Variants in NOBOX observed in about 807,000 individuals in gnomAD.
NOBOX encodes the protein NOBOX oogenesis homeobox.
A neutral mutation model predicts 60.2 loss-of-function variants in NOBOX; 46 were observed. The observed-to-expected ratio is 0.76, with a 90% CI of 0.60 to 0.98. The LOEUF is 0.98. Among genes scored for constraint, NOBOX ranks in the 50% least tolerant of loss-of-function variants. The pLI is 0.00. For synonymous variants in NOBOX, 360 were observed against 346.3 expected, an observed-to-expected ratio of 1.04 and a Z score of -0.44; for missense variants, 880 against 865.5, an observed-to-expected ratio of 1.02 and a Z score of -0.21.
In NOBOX at chr7:144,401,020, T is replaced by C. The variant is rs943996942; in HGVS notation, c.844+26A>G. On this transcript the variant is annotated intron_variant, in intron 4 of 9. Coordinates refer to ENST00000467773, the MANE Select transcript of NOBOX (RefSeq NM_001080413.3). The surrounding 1 kb of genome is among the most constrained non-coding windows in gnomAD (Gnocchi z 4.2). ...TTCCCCAGGATGACCCCAGATCTCT[T>C]CGGTTTCCTCTCTTTAGGGACTTAC... 3 of 1,485,114 alleles carry C rather than the reference T, an allele frequency of 2.0e-6. No individual in the cohort carries two copies. In the African/African-American group the frequency reaches 4.2e-5, roughly 21 times the overall value. 92.0% of individuals were successfully genotyped at this position (1,485,114 alleles called of 1,614,324 possible). A position where few individuals can be genotyped will look rare whatever the true frequency, so the allele number is the denominator to read the frequency against.
In NOBOX at chr7:144,397,395, G is replaced by T. The variant is rs1458557917; in HGVS notation, c.1921C>A (p.Pro641Thr). 2.0e-6 allele frequency: 3 copies of T among 1,537,276 alleles called. No individual in the cohort carries two copies. Among genetic ancestry groups the T allele is most frequent in the Non-Finnish European group, 2.6e-6 (3 of 1,146,912 alleles). ...GGCATCCATGAGAGAGCTGACGAAG[G>T]CTGCCTGCCCAGAGCCTGGGGGCAG... is the stretch of plus-strand genomic sequence containing the variant. The change falls in exon 10 of 10, where the codon CCT becomes ACT. Residue 641 changes from proline to threonine, a missense_variant. By Grantham distance (38) the Pro-to-Thr change is conservative. Coordinates refer to ENST00000467773, the MANE Select transcript of NOBOX (RefSeq NM_001080413.3).
chr7:144,402,807 A>T (rs2053952114), intron 2 of NOBOX, among the ~76,000 whole-genome samples: 1 of 128,742 alleles, frequency 7.8e-6, no homozygotes, highest in African/African-American at 3.0e-5. Context: ...CCCAGGCTGC[A>T]GTGACATGGT....
chr7:144,401,274 G>C lies in NOBOX; in HGVS notation c.616C>G (p.Gln206Glu), dbSNP rs1478847659. The change falls in exon 4 of 10, where the codon CAG (glutamine) becomes GAG (glutamate). Residue 206 changes from glutamine to glutamate, a missense_variant. Transcript: ENST00000467773. This position sits in a 1 kb window ranked among gnomAD's most constrained non-coding sequence, Gnocchi z 4.2. ...AGACCCATGGCATTAGGCTTTTTCT[G>C]CTTCCCGGGGGCTGGAGAATAGGAC... The C allele has an allele frequency of 6.2e-6, 10 of 1,613,472 alleles. No individual in the cohort carries two copies. The highest frequency in any genetic ancestry group is 3.3e-5 in the Admixed American group (2 of 59,928).
rs1394449048 is a variant in NOBOX, at chr7:144,398,475, A to G, written c.1581T>C (p.Leu527=). ...GCAACTTGGGCTGAGGGGACTGGAAAAGCGGGGGCTGTGGAGCCTGGGAGA... is the reference window on the plus strand; with the variant it reads ...GCAACTTGGGCTGAGGGGACTGGAAGAGCGGGGGCTGTGGAGCCTGGGAGA... The change falls in exon 9 of 10, where the codon CTT becomes CTC. Residue 527 remains leucine (L), a synonymous_variant. Transcript: ENST00000467773. 12 of 1,536,994 alleles carry G rather than the reference A, an allele frequency of 7.8e-6. No individual in the cohort carries two copies. Among genetic ancestry groups the G allele is most frequent in the Non-Finnish European group, 7.8e-6 (9 of 1,146,900 alleles).
At position 144,398,524 on chromosome 7, in the gene NOBOX, C is replaced by T. The variant is rs2053910534; in HGVS notation, c.1532G>A (p.Ser511Asn). The T allele has an allele frequency of 8.5e-6, 13 of 1,536,536 alleles. No homozygotes were observed. Among genetic ancestry groups the T allele is most frequent in the Admixed American group, 2.0e-5 (1 of 50,964 alleles). The change falls in exon 9 of 10, where the codon AGC becomes AAC. Residue 511 changes from serine to asparagine, a missense_variant. Coordinates refer to ENST00000467773, the MANE Select transcript of NOBOX (RefSeq NM_001080413.3). Reference sequence around the variant, plus strand: ...GAACTGGAAGGGTCCTGGCTGGTTGCTCTGTTGGTAATCCTGGGGCTCCAG... The same window carrying T: ...GAACTGGAAGGGTCCTGGCTGGTTGTTCTGTTGGTAATCCTGGGGCTCCAG...
In NOBOX at chr7:144,397,492, A is replaced by G; in HGVS notation, c.1824T>C (p.Gly608=). The G allele has an allele frequency of 1.3e-6, 2 of 1,536,740 alleles. No individual in the cohort carries two copies. The highest frequency in any genetic ancestry group is 1.7e-6 in the Non-Finnish European group (2 of 1,146,542). ...GCCCCAGAGCTTGTGGGCAGAACGG[A>G]CCAGGGAAGGGCAGCTCTGGCAAAC... Residue 608 remains glycine (G), a synonymous_variant, in exon 10 of 10, where the codon GGT becomes GGC. Coordinates refer to ENST00000467773, the MANE Select transcript of NOBOX (RefSeq NM_001080413.3).
At chr7:144,398,167 A>G in intron 9 of NOBOX, 115 bp downstream of exon 7, 2 of 882,526 alleles carry the variant, frequency 2.3e-6, no homozygotes, top group Non-Finnish European at 3.6e-6. Context: ...GGCAAACAGA[A>G]GGATTCATTC....
chr7:144,401,158 C>T lies in NOBOX; in HGVS notation c.732G>A (p.Leu244=). Residue 244 remains leucine, a synonymous_variant, in exon 4 of 10, where the codon CTG becomes CTA. Transcript: ENST00000467773. The surrounding 1 kb of genome is among the most constrained non-coding windows in gnomAD (Gnocchi z 4.2). ...GCGCCAATGTACTGAGGAGATTGGC[C>T]AGGTGGCAGGGCCCCCGGCCTGACC... 1.2e-6 allele frequency: 2 copies of T among 1,611,444 alleles called. No homozygotes were observed. The highest frequency in any genetic ancestry group is 1.7e-6 in the Non-Finnish European group (2 of 1,178,342).
Position 144,404,554 on chromosome 7 carries a change from A to C in NOBOX, c.210+2T>G. The C allele has an allele frequency of 6.2e-7, 1 of 1,612,588 alleles. No homozygotes were observed. Among genetic ancestry groups the C allele is most frequent in the Non-Finnish European group, 8.5e-7 (1 of 1,179,514 alleles). Reference sequence around the variant, plus strand: ...GTGAGCCACAGCGCTCGCCCCCCGTACTGATTTGAGGGTCTCCAGAGCACA... The same window carrying C: ...GTGAGCCACAGCGCTCGCCCCCCGTCCTGATTTGAGGGTCTCCAGAGCACA... On this transcript the variant is annotated splice_donor_variant, in intron 2 of 9. Transcript: ENST00000467773. LOFTEE classifies it high-confidence loss of function.
intron 9 of NOBOX, 63 bp downstream of exon 7, chr7:144,398,219 G>A (rs996476055): frequency 4.8e-6 from 7 of 1,446,108 alleles, no homozygotes; most frequent in South Asian, 3.7e-5. Context: ...AGATAACTTG[G>A]CTCTTTGTCC....
intron 2 of NOBOX, 56 bp downstream of exon 1, chr7:144,403,601 C>G (rs1015154451): frequency 1.0e-4 from 71 of 680,326 alleles, no homozygotes; most frequent in Non-Finnish European, 1.7e-4. Flanking sequence ...AGGCCTCCCC[C>G]CCTCCCCGAA....
rs750240819 is a variant in NOBOX at position 144,404,597 on chromosome 7, TGAA to T, written c.166_168del (p.Phe56del). ...AGAGCACAAAGGCTGCACCGGATGA[TGAA>T]GAAGGAGCTGAAAGAGCCACAGACT... On this transcript the variant is annotated inframe_deletion, in exon 2 of 10. Transcript: ENST00000467773. 3.8e-5 allele frequency: 61 copies of T among 1,613,636 alleles called. No individual in the cohort carries two copies. The highest frequency in any genetic ancestry group is 2.5e-4 in the African/African-American group (19 of 74,882).
chr7:144,400,207 A>G lies in NOBOX; in HGVS notation c.950T>C (p.Met317Thr). The G allele has an allele frequency of 6.2e-7, 1 of 1,613,928 alleles. No individual in the cohort carries two copies. The highest frequency in any genetic ancestry group is 8.5e-7 in the Non-Finnish European group (1 of 1,179,854). ...CACCAGTGAGCCGGCCCCCTTTACC[A>G]TGATGCGCTGGGGGGTCACCCCCAC... Residue 317 changes from methionine to threonine, a missense_variant, in exon 5 of 10, where the codon ATG (methionine) becomes ACG (threonine). By Grantham distance (81) the Met-to-Thr change is moderately conservative. Coordinates refer to ENST00000467773, the MANE Select transcript of NOBOX (RefSeq NM_001080413.3).
Position 144,400,111 on chromosome 7 carries a change from C to T in NOBOX, c.1046G>A (p.Trp349Ter), listed in dbSNP as rs200530938. The change falls in exon 5 of 10, where the codon TGG (tryptophan) becomes TAG (stop). Residue 349 changes from tryptophan to a stop codon, truncating the protein, a stop_gained and splice_region_variant. Coordinates refer to ENST00000467773, the MANE Select transcript of NOBOX (RefSeq NM_001080413.3). LOFTEE classifies it high-confidence loss of function. ...CTGAGGCCTCAATTCAGCTCCTACC[C>T]AGGCTACCGCTGAGCGCTCACTCTG... 1 of 1,611,844 alleles carries T rather than the reference C, an allele frequency of 6.2e-7. No individual in the cohort carries two copies. The highest frequency in any genetic ancestry group is 8.5e-7 in the Non-Finnish European group (1 of 1,179,770).
intron 1 of NOBOX, among the ~76,000 whole-genome samples, chr7:144,407,331 A>G (rs2053992746): frequency 6.6e-6 from 1 of 152,234 alleles, no homozygotes; most frequent in African/African-American, 2.4e-5. Flanking sequence ...ACCCCAGTGT[A>G]GGCAGCATCA....
intron 5 of NOBOX, 35 bp from the exon 4 acceptor site, chr7:144,399,898 G>A (rs374013813): frequency 1.3e-6 from 2 of 1,541,240 alleles, no homozygotes; most frequent in Non-Finnish European, 1.8e-6. Context: ...AACTGGAGAA[G>A]AGGGGCAGAG....
chr7:144,404,005 G>C (rs1020013618), intron 2 of NOBOX, among the ~76,000 whole-genome samples: 1 of 152,018 alleles, frequency 6.6e-6, no homozygotes, highest in African/African-American at 2.4e-5. Flanking sequence ...TGGAGGGCGA[G>C]GCTGGGGTGG....
intron 4 of NOBOX, among the ~76,000 whole-genome samples, chr7:144,400,648 C>CT (rs2053931019): frequency 6.6e-6 from 1 of 152,224 alleles, no homozygotes; most frequent in South Asian, 2.1e-4. Context: ...AGCAATTCCC[C>CT]TGCTTCGACC....
In NOBOX at chr7:144,398,807, C is replaced by T. The variant is rs2053913920; in HGVS notation, c.1469+143G>A. 10 of 646,016 alleles carry T rather than the reference C, an allele frequency of 1.5e-5. No individual in the cohort carries two copies. The East Asian group carries it at 2.2e-4, about 14-fold the overall frequency. The allele number at this position is 646,016 out of a possible 1,614,324, so 40.0% of individuals were successfully genotyped here. A position where few individuals can be genotyped will look rare whatever the true frequency, so the allele number is the denominator to read the frequency against. ...TCCCCTAGGTCATTCCCCAGATCCC[C>T]TTATCCCTTTCATCCCCATCTCCTG... On this transcript the variant is annotated intron_variant, in intron 8 of 9. Coordinates refer to ENST00000467773, the MANE Select transcript of NOBOX (RefSeq NM_001080413.3).
Sources: gnomAD v4.1 joint callset for allele counts (sites outside exome capture counted in the v4.1 genomes callset) on GRCh38, gnomAD v4.1.1 for gene constraint, Gnocchi (gnomAD v3.1) non-coding constraint, MANE v1.5 for transcripts, NCBI Gene and HGNC (gene_info 2026-07-23, HGNC 2026-07-21) for gene names.